The following C6orf132 variants were observed in gnomAD, a reference collection of about 807,000 sequenced individuals.
The protein encoded by C6orf132 is uncharacterized protein C6orf132.
C6orf132 carries 43 observed loss-of-function variants against 65.3 expected under a neutral mutation model. The ratio of observed to expected loss-of-function variants is 0.66; its 90% CI spans 0.52 to 0.85. The LOEUF (loss-of-function observed/expected upper bound fraction) is 0.85, where lower values mean the gene tolerates loss of function less well. Ranked by LOEUF, C6orf132 falls within the 40% of genes least tolerant of loss-of-function variation. The probability of loss-of-function intolerance (pLI) is 0.00; values close to 1 mark genes in which losing one functional copy is unlikely to be tolerated. For missense variants in C6orf132, 1,488 were observed against 1,548.8 expected, an observed-to-expected ratio of 0.96 and a Z score of 0.66; for synonymous variants, 631 against 654.1, an observed-to-expected ratio of 0.96 and a Z score of 0.54.
In C6orf132 at chr6:42,106,168, CCT is replaced by C; in HGVS notation, c.1742_1743del (p.Glu581GlyfsTer2). The C allele has an allele frequency of 1.3e-6, 2 of 1,537,258 alleles. No homozygotes were observed. The highest frequency in any genetic ancestry group is 1.7e-6 in the Non-Finnish European group (2 of 1,146,914). ...GGCAGAGATCCTATGCTGGGCTTAGCCTCCTTCTCTGCTGCTGAGGAGAGCCG... is the reference window on the plus strand; with the variant it reads ...GGCAGAGATCCTATGCTGGGCTTAGCCCTTCTCTGCTGCTGAGGAGAGCCG... ...EARLSSAAEK[E>X]AKPSIGSLPP... On this transcript the variant is annotated frameshift_variant, in exon 4 of 5. Coordinates refer to ENST00000341865, the MANE Select transcript of C6orf132 (RefSeq NM_001164446.3). LOFTEE classifies it high-confidence loss of function.
Position 42,107,145 on chromosome 6 carries a change from G to C in C6orf132, c.767C>G (p.Thr256Ser). The C allele has an allele frequency of 7.0e-7, 1 of 1,437,314 alleles. No individual in the cohort carries two copies. The highest frequency in any genetic ancestry group is 1.4e-5 in the African/African-American group (1 of 69,056). The allele number at this position is 1,437,314 out of a possible 1,614,324, so 89.0% of individuals were successfully genotyped here. A position where few individuals can be genotyped will look rare whatever the true frequency, so the allele number is the denominator to read the frequency against. Residue 256 changes from threonine (T) to serine (S), a missense_variant, in exon 4 of 5, where the codon ACC (threonine) becomes AGC (serine). Physicochemically the swap from Thr to Ser is moderately conservative, Grantham distance 58 (BLOSUM62 1). Coordinates refer to ENST00000341865, the MANE Select transcript of C6orf132 (RefSeq NM_001164446.3). Reference protein sequence around the residue: ...GTRLFPPGGVTKWKSDVALNG... With the variant: ...GTRLFPPGGVSKWKSDVALNG... ...CAGTGCTACATCTGATTTCCACTTG[G>C]TGACACCCCCAGGGGGAAAGAGACG...
chr6:42,123,494 A>G (rs1562038719), intron 2 of C6orf132, among the ~76,000 whole-genome samples: 1 of 149,966 alleles, frequency 6.7e-6, no homozygotes, highest in African/African-American at 2.5e-5. Flanking sequence ...AAGAAGAAGA[A>G]AAGAAGAAAG....
intron 2 of C6orf132, among the ~76,000 whole-genome samples, chr6:42,121,070 T>C (rs1319167092): frequency 6.6e-6 from 1 of 152,224 alleles, no homozygotes; most frequent in African/African-American, 2.4e-5. Context: ...TGTCCCTTTC[T>C]TGCCTTCTGA....
In C6orf132 at chr6:42,102,936, G is replaced by T. The variant is rs531426210; in HGVS notation, c.*825C>A. On this transcript the variant is annotated 3_prime_UTR_variant, in exon 5 of 5. Transcript: ENST00000341865. ...CCTAGTGTCAAGCCTAAGACTCATG[G>T]CTCCTTGGGCCCAGTCCCCAAAATC... The T allele has an allele frequency of 3.0e-5, 12 of 397,538 alleles. No homozygotes were observed. The South Asian group carries it at 1.7e-3, about 56-fold the overall frequency. 24.6% of individuals were successfully genotyped at this position (397,538 alleles called of 1,614,324 possible). A position where few individuals can be genotyped will look rare whatever the true frequency, so the allele number is the denominator to read the frequency against.
At position 42,103,073 on chromosome 6, in the gene C6orf132, A is replaced by G; in HGVS notation, c.*688T>C. On this transcript the variant is annotated 3_prime_UTR_variant, in exon 5 of 5. Coordinates refer to ENST00000341865, the MANE Select transcript of C6orf132 (RefSeq NM_001164446.3). Reference sequence around the variant, plus strand: ...TGTAGCTAAGGGCTAGGGCCAAGGAAAAATGAACCATCAATCTCCCACCTC... The same window carrying G: ...TGTAGCTAAGGGCTAGGGCCAAGGAGAAATGAACCATCAATCTCCCACCTC... The G allele has an allele frequency of 2.5e-6, 1 of 398,702 alleles. No individual in the cohort carries two copies. Among genetic ancestry groups the G allele is most frequent in the East Asian group, 3.6e-5 (1 of 28,078 alleles). The allele number at this position is 398,702 out of a possible 1,614,324, so 24.7% of individuals were successfully genotyped here. A position where few individuals can be genotyped will look rare whatever the true frequency, so the allele number is the denominator to read the frequency against.
chr6:42,116,999 C>T (rs757720571), intron 2 of C6orf132, among the ~76,000 whole-genome samples: 23 of 152,344 alleles, frequency 1.5e-4, no homozygotes, highest in Middle Eastern at 3.4e-3. Context: ...TCCATTTCCA[C>T]ACCTCAAGCT....
chr6:42,134,697 C>T (rs1562042481), intron 1 of C6orf132, among the ~76,000 whole-genome samples: 6 of 147,622 alleles, frequency 4.1e-5, no homozygotes, highest in Admixed American at 2.8e-4. Context: ...TTGCTTGAAC[C>T]GGGGAGGCAG....
chr6:42,118,875 T>A (rs1380953648), intron 2 of C6orf132, among the ~76,000 whole-genome samples: 1 of 146,402 alleles, frequency 6.8e-6, no homozygotes, highest in African/African-American at 2.5e-5. Context: ...TTAATTTTTT[T>A]TTTTTTTTTT....
rs558336475 is a variant in C6orf132 at position 42,111,301 on chromosome 6, G to A, written c.253-1010C>T. 3.1e-3 allele frequency among the ~76,000 whole-genome samples: 355 copies of A among 112,718 alleles called. 4 individuals carry two copies. The highest frequency in any genetic ancestry group is 6.2e-3 in the Admixed American group (67 of 10,888). 73.9% of individuals were successfully genotyped at this position (112,718 alleles called of 152,430 possible). A position where few individuals can be genotyped will look rare whatever the true frequency, so the allele number is the denominator to read the frequency against. ...TAATTTTTTTTTTTTTTTTTTTTGAGATGGAGTCTTGCTCTGTCACCCAGG... is the reference window on the plus strand; with the variant it reads ...TAATTTTTTTTTTTTTTTTTTTTGAAATGGAGTCTTGCTCTGTCACCCAGG... On this transcript the variant is annotated intron_variant, in intron 2 of 4. Transcript: ENST00000341865.
Position 42,105,405 on chromosome 6 carries a change from C to G in C6orf132, c.2507G>C (p.Gly836Ala), listed in dbSNP as rs1777225779. 6.5e-7 allele frequency: 1 copy of G among 1,535,408 alleles called. No homozygotes were observed. The highest frequency in any genetic ancestry group is 8.7e-7 in the Non-Finnish European group (1 of 1,146,246). The change falls in exon 4 of 5, where the codon GGC (glycine) becomes GCC (alanine). Residue 836 changes from glycine to alanine, a missense_variant. Transcript: ENST00000341865. ...CGCCAGGAGCAGGGCCATCGGCGAG[C>G]CCCGCTCCACCACCTCCCCAGTCAC... ...HPVTGEVVER[G>A]SPMALLLAAR...
At chr6:42,138,850 AACACACACACACACAC>A (rs59373265) in intron 1 of C6orf132, among the ~76,000 whole-genome samples, 1 of 142,748 alleles carries the variant, frequency 7.0e-6, no homozygotes, top group Non-Finnish European at 1.5e-5. Flanking sequence ...CATGCATTTA[AACACACACACACACAC>A]ACACACACAC....
chr6:42,136,961 C>T (rs1030056594), intron 1 of C6orf132, among the ~76,000 whole-genome samples: 7 of 152,144 alleles, frequency 4.6e-5, no homozygotes, highest in South Asian at 2.1e-4. Flanking sequence ...AGCTAGGACT[C>T]GCCACTCAGT....
At chr6:42,112,252 C>T (rs998013562) in intron 2 of C6orf132, among the ~76,000 whole-genome samples, 1 of 152,204 alleles carries the variant, frequency 6.6e-6, no homozygotes, top group Non-Finnish European at 1.5e-5. Flanking sequence ...GGTAAGTTGT[C>T]TAAAGTCACA....
At chr6:42,141,006 C>T (rs904225556) in intron 1 of C6orf132, among the ~76,000 whole-genome samples, 1 of 152,238 alleles carries the variant, frequency 6.6e-6, no homozygotes, top group African/African-American at 2.4e-5. Flanking sequence ...CCTCTCCTGT[C>T]AGCTCGAATG....
intron 1 of C6orf132, among the ~76,000 whole-genome samples, chr6:42,136,105 A>G (rs1222837793): frequency 6.6e-6 from 1 of 151,730 alleles, no homozygotes; most frequent in Admixed American, 6.6e-5. Flanking sequence ...TAAAACTTAA[A>G]GTATAATAAT....
In C6orf132 at chr6:42,105,405, C is replaced by T. The variant is rs1777225779; in HGVS notation, c.2507G>A (p.Gly836Asp). The T allele has an allele frequency of 1.3e-6, 2 of 1,535,526 alleles. No individual in the cohort carries two copies. Among genetic ancestry groups the T allele is most frequent in the Non-Finnish European group, 1.7e-6 (2 of 1,146,238 alleles). The change falls in exon 4 of 5, where the codon GGC becomes GAC. Residue 836 changes from glycine to aspartate, a missense_variant. Coordinates refer to ENST00000341865, the MANE Select transcript of C6orf132 (RefSeq NM_001164446.3). Reference sequence around the variant, plus strand: ...CGCCAGGAGCAGGGCCATCGGCGAGCCCCGCTCCACCACCTCCCCAGTCAC... The same window carrying T: ...CGCCAGGAGCAGGGCCATCGGCGAGTCCCGCTCCACCACCTCCCCAGTCAC... Reference protein sequence around the residue: ...HPVTGEVVERGSPMALLLAAR... With the variant: ...HPVTGEVVERDSPMALLLAAR...
At chr6:42,138,854 C>CACACACACAA (rs1766991877) in intron 1 of C6orf132, among the ~76,000 whole-genome samples, 1 of 149,702 alleles carries the variant, frequency 6.7e-6, no homozygotes, top group Admixed American at 6.6e-5. Context: ...CATTTAAACA[C>CACACACACAA]ACACACACAC....
In C6orf132 at chr6:42,105,581, G is replaced by A; in HGVS notation, c.2331C>T (p.Ser777=). The change falls in exon 4 of 5, where the codon AGC becomes AGT. Residue 777 remains serine, a synonymous_variant. Transcript: ENST00000341865. ...TCACCACAGCAACCTCACGGCTGAGGCTGCTCTGGTGGCAGTGGGGCTTGT... is the reference window on the plus strand; with the variant it reads ...TCACCACAGCAACCTCACGGCTGAGACTGCTCTGGTGGCAGTGGGGCTTGT... ...CLYKPHCHQS[S]LSREVAVVMP... is the part of the protein sequence containing the mutation. 1 of 1,536,808 alleles carries A rather than the reference G, an allele frequency of 6.5e-7. No homozygotes were observed. The highest frequency in any genetic ancestry group is 8.7e-7 in the Non-Finnish European group (1 of 1,146,896).
intron 2 of C6orf132, among the ~76,000 whole-genome samples, chr6:42,118,101 AGTCCAT>A (rs2127475937): frequency 6.6e-6 from 1 of 152,254 alleles, no homozygotes; most frequent in South Asian, 2.1e-4. Flanking sequence ...GCGTTCTGTC[AGTCCAT>A]AAAGTGTCCC....
Sources: gnomAD v4.1 joint callset for allele counts (sites outside exome capture counted in the v4.1 genomes callset) on GRCh38, gnomAD v4.1.1 for gene constraint, MANE v1.5 for transcripts, NCBI Gene and HGNC (gene_info 2026-07-23, HGNC 2026-07-21) for gene names.